CTNNA3: variants seen among roughly 807,000 people sequenced by gnomAD.
CTNNA3 encodes the protein catenin alpha-3.
CTNNA3 carries 76 observed loss-of-function variants against 95.7 expected under a neutral mutation model. The observed-to-expected ratio is 0.79, with a 90% CI of 0.66 to 0.96. The LOEUF is 0.96. Among genes scored for constraint, CTNNA3 ranks in the 40% least tolerant of loss-of-function variants. The pLI, the probability that CTNNA3 is intolerant of heterozygous loss-of-function variation, is 0.00. For synonymous variants in CTNNA3, 431 were observed against 374.4 expected, an observed-to-expected ratio of 1.15 and a Z score of -1.74; for missense variants, 1,191 against 1,089.8, an observed-to-expected ratio of 1.09 and a Z score of -1.31.
chr10:67,347,832 G>GAAAAAAAAAA (rs71006142), intron 5 of CTNNA3, among the ~76,000 whole-genome samples: 2 of 133,892 alleles, frequency 1.5e-5, no homozygotes, highest in African/African-American at 2.8e-5. Context: ...GTGTTTTCCT[G>GAAAAAAAAAA]AAAAAAAAAA....
At chr10:67,297,755 C>G (rs1233189956) in intron 5 of CTNNA3, among the ~76,000 whole-genome samples, 1 of 152,164 alleles carries the variant, frequency 6.6e-6, no homozygotes, top group Non-Finnish European at 1.5e-5. Flanking sequence ...TTAGGCACAT[C>G]CTATTTTAAG....
intron 13 of CTNNA3, among the ~76,000 whole-genome samples, chr10:66,203,163 G>C (rs1233417849): frequency 6.6e-6 from 1 of 152,102 alleles, no homozygotes; most frequent in Non-Finnish European, 1.5e-5. Flanking sequence ...TGAGAAACAA[G>C]CATTATGGCC....
At chr10:66,147,841 A>G (rs1410322103) in intron 13 of CTNNA3, among the ~76,000 whole-genome samples, 1 of 151,050 alleles carries the variant, frequency 6.6e-6, no homozygotes, top group Admixed American at 6.7e-5. Flanking sequence ...ATGTATGTAT[A>G]TTAATATGCT....
At chr10:66,647,519 T>TTG in intron 9 of CTNNA3, among the ~76,000 whole-genome samples, 1 of 150,926 alleles carries the variant, frequency 6.6e-6, no homozygotes, top group Non-Finnish European at 1.5e-5. Context: ...CTCTTTTTTT[T>TTG]TTTTTTCTTG....
chr10:66,567,077 AG>A (rs1842734497), intron 10 of CTNNA3, among the ~76,000 whole-genome samples: 1 of 61,696 alleles, frequency 1.6e-5, no homozygotes, highest in Admixed American at 2.2e-4. Flanking sequence ...GGAGGGAGGG[AG>A]GGAGGAGTGG....
intron 11 of CTNNA3, among the ~76,000 whole-genome samples, chr10:66,412,074 T>A (rs2093109787): frequency 6.6e-6 from 1 of 151,944 alleles, no homozygotes; most frequent in Non-Finnish European, 1.5e-5. Context: ...AGTACAAGAG[T>A]AATTATCACA....
intron 7 of CTNNA3, among the ~76,000 whole-genome samples, chr10:66,905,405 G>C (rs187452763): frequency 1.4e-4 from 21 of 152,208 alleles, no homozygotes; most frequent in Non-Finnish European, 2.1e-4. Flanking sequence ...AGCATTAGGC[G>C]AAATACCGAA....
chr10:67,165,655 T>C (rs1482612944), intron 7 of CTNNA3, among the ~76,000 whole-genome samples: 1 of 152,174 alleles, frequency 6.6e-6, no homozygotes, highest in East Asian at 1.9e-4. Context: ...AAATTAAAAG[T>C]TTTTTTAAAA....
intron 5 of CTNNA3, among the ~76,000 whole-genome samples, chr10:67,345,740 G>A (rs1409924583): frequency 6.6e-6 from 1 of 151,848 alleles, no homozygotes; most frequent in African/African-American, 2.4e-5. Context: ...TGTGTTTTTT[G>A]TAAGGCACAG....
rs10997779 is a variant in CTNNA3 at position 67,683,808 on chromosome 10, G to C, written c.-6+12192C>G. Among the ~76,000 whole-genome samples the C allele has an allele frequency of 4.9e-3, 749 of 152,132 alleles. 5 individuals carry two copies. Among genetic ancestry groups the C allele is most frequent in the African/African-American group, 0.017 (718 of 41,466 alleles). On this transcript the variant is annotated intron_variant, in intron 1 of 17. Transcript: ENST00000433211. ...CTTCCGGTGGGTTCACGGTCTTGCT[G>C]ACTTCAGGAGTGAAGCCACAGACCT...
At chr10:65,998,727 G>A (rs1042501605) in intron 15 of CTNNA3, among the ~76,000 whole-genome samples, 1 of 152,132 alleles carries the variant, frequency 6.6e-6, no homozygotes, top group Non-Finnish European at 1.5e-5. Context: ...TTTATGCCTT[G>A]AACTGACCTT....
chr10:67,597,138 C>T (rs553305720), intron 3 of CTNNA3, among the ~76,000 whole-genome samples: 1 of 152,236 alleles, frequency 6.6e-6, no homozygotes, highest in Non-Finnish European at 1.5e-5. Context: ...CTTAAAATGG[C>T]TATTTTATCT....
At chr10:66,974,311 A>C (rs1849899685) in intron 7 of CTNNA3, among the ~76,000 whole-genome samples, 1 of 152,226 alleles carries the variant, frequency 6.6e-6, no homozygotes, top group African/African-American at 2.4e-5. Context: ...GAGTAATCTA[A>C]AAAAGTGCTT....
chr10:66,201,839 A>G (rs530790524), intron 13 of CTNNA3, among the ~76,000 whole-genome samples: 1 of 125,726 alleles, frequency 8.0e-6, no homozygotes, highest in Non-Finnish European at 1.6e-5. Context: ...CCCAGGCTAG[A>G]GTGCAGTGGT....
chr10:66,257,990 C>A (rs934751323), intron 13 of CTNNA3, among the ~76,000 whole-genome samples: 6 of 152,104 alleles, frequency 3.9e-5, no homozygotes, highest in African/African-American at 1.4e-4. Context: ...TTTTGAATGG[C>A]AAATAACTTA....
At chr10:67,568,547 A>T (rs1841885501) in intron 3 of CTNNA3, among the ~76,000 whole-genome samples, 1 of 151,386 alleles carries the variant, frequency 6.6e-6, no homozygotes, top group South Asian at 2.1e-4. Flanking sequence ...ATTTATATGC[A>T]CACAGACACA....
At chr10:65,988,928 G>T in intron 15 of CTNNA3, 131 bp from the exon 16 acceptor site, 1 of 606,966 alleles carries the variant, frequency 1.6e-6, no homozygotes, top group East Asian at 2.9e-5. Context: ...GCATCCCAAA[G>T]AACGGCTATT....
At chr10:67,323,416 G>A (rs924821304) in intron 5 of CTNNA3, among the ~76,000 whole-genome samples, 2 of 152,110 alleles carry the variant, frequency 1.3e-5, no homozygotes, top group African/African-American at 4.8e-5. Flanking sequence ...AAGGGGTCCG[G>A]TTTCAATCTT....
intron 3 of CTNNA3, among the ~76,000 whole-genome samples, chr10:67,576,495 TC>T (rs1842149980): frequency 1.3e-5 from 2 of 151,974 alleles, no homozygotes; most frequent in Non-Finnish European, 2.9e-5. Flanking sequence ...CGGTAAGCTT[TC>T]AAAAATTAGT....
Sources: allele counts gnomAD v4.1 joint callset (sites outside exome capture counted in the v4.1 genomes callset), GRCh38; gene constraint gnomAD v4.1.1; transcripts MANE v1.5; gene names NCBI Gene and HGNC (gene_info 2026-07-23, HGNC 2026-07-21).